Variants in ARHGAP15 observed in about 807,000 individuals in gnomAD.
ARHGAP15 encodes the protein Rho GTPase activating protein 15.
A neutral mutation model predicts 63.7 loss-of-function variants in ARHGAP15; 51 were observed. That is an observed-to-expected ratio of 0.80 (90% CI 0.64 to 1.01). The LOEUF (loss-of-function observed/expected upper bound fraction) is 1.01, where lower values mean the gene tolerates loss of function less well. ARHGAP15 is among the 50% of genes least tolerant of loss of function. The pLI is 0.00. For synonymous variants in ARHGAP15, 191 were observed against 193.8 expected (o/e 0.99, Z 0.12); for missense variants, 560 against 564.6 (o/e 0.99, Z 0.08).
intron 6 of ARHGAP15, among the ~76,000 whole-genome samples, chr2:143,311,732 A>C (rs1219478061): frequency 6.6e-6 from 1 of 152,142 alleles, no homozygotes; most frequent in Non-Finnish European, 1.5e-5. Context: ...CTCTTAGCAT[A>C]TGTCTAAGCT....
intron 6 of ARHGAP15, among the ~76,000 whole-genome samples, chr2:143,364,601 C>A (rs879558715): frequency 1.3e-5 from 2 of 152,110 alleles, no homozygotes; most frequent in Admixed American, 1.3e-4. Context: ...AATGAAGAAT[C>A]AGTAGGGTTC....
intron 6 of ARHGAP15, among the ~76,000 whole-genome samples, chr2:143,310,604 G>A (rs1376135075): frequency 6.6e-6 from 1 of 151,908 alleles, no homozygotes; most frequent in Non-Finnish European, 1.5e-5. Context: ...TTTTGCAAAA[G>A]CTATGCATCT....
intron 13 of ARHGAP15, among the ~76,000 whole-genome samples, chr2:143,757,028 C>T (rs1466096246): frequency 6.6e-6 from 1 of 152,130 alleles, no homozygotes; most frequent in Non-Finnish European, 1.5e-5. Flanking sequence ...TTAATCTAGG[C>T]TCTGCCACTT....
Position 143,587,865 on chromosome 2 carries a change from T to A in ARHGAP15, c.1003+31380T>A, listed in dbSNP as rs550372015. 64 of 377,118 alleles carry A rather than the reference T, an allele frequency of 1.7e-4. 1 individual carries two copies. Among genetic ancestry groups the A allele is most frequent in the South Asian group, 6.7e-4 (30 of 44,744 alleles). 23.4% of individuals were successfully genotyped at this position (377,118 alleles called of 1,614,324 possible). ...TTGAGATACAATCCCTAGTATTGAG[T>A]GATAGAAGAGCAGAAAAGAAGTCTA... On this transcript the variant is annotated intron_variant, in intron 11 of 13. Coordinates refer to ENST00000295095, the MANE Select transcript of ARHGAP15 (RefSeq NM_018460.4).
At chr2:143,476,403 A>G (rs1691817328) in intron 8 of ARHGAP15, among the ~76,000 whole-genome samples, 1 of 152,182 alleles carries the variant, frequency 6.6e-6, no homozygotes, top group Admixed American at 6.5e-5. Flanking sequence ...CACAATGCAA[A>G]TTCAAATTAA....
chr2:143,193,562 A>T (rs1024357318), intron 2 of ARHGAP15: 4 of 152,664 alleles, frequency 2.6e-5, no homozygotes, highest in Admixed American at 6.5e-5. Context: ...GGATACAATT[A>T]TTCTCTATTG....
intron 9 of ARHGAP15, among the ~76,000 whole-genome samples, chr2:143,502,073 A>C (rs1473931708): frequency 6.6e-6 from 1 of 152,172 alleles, no homozygotes; most frequent in African/African-American, 2.4e-5. Flanking sequence ...GTTTGGGGAC[A>C]CAAGACATGG....
At chr2:143,322,117 C>T (rs1239256416) in intron 6 of ARHGAP15, among the ~76,000 whole-genome samples, 1 of 152,068 alleles carries the variant, frequency 6.6e-6, no homozygotes, top group African/African-American at 2.4e-5. Flanking sequence ...TTTATTTCTA[C>T]TGTTTTTGGA....
chr2:143,656,550 A>G (rs1255923056), intron 12 of ARHGAP15, among the ~76,000 whole-genome samples: 1 of 152,212 alleles, frequency 6.6e-6, no homozygotes, highest in Non-Finnish European at 1.5e-5. Context: ...AGATGAAAAG[A>G]CTGTCTGGGT....
At chr2:143,534,160 T>C (rs942605304) in intron 10 of ARHGAP15, among the ~76,000 whole-genome samples, 11 of 152,184 alleles carry the variant, frequency 7.2e-5, no homozygotes, top group African/African-American at 2.7e-4. Flanking sequence ...GTTCTCATAA[T>C]AGTGAGTGAG....
At chr2:143,391,020 G>A (rs1687516442) in intron 6 of ARHGAP15, among the ~76,000 whole-genome samples, 1 of 152,166 alleles carries the variant, frequency 6.6e-6, no homozygotes, top group African/African-American at 2.4e-5. Flanking sequence ...GGGGTCTCCT[G>A]TGGAGAGTTA....
intron 11 of ARHGAP15, among the ~76,000 whole-genome samples, chr2:143,587,364 G>T (rs11684325): frequency 0.28 from 42,406 of 151,284 alleles, 6,584 homozygotes; most frequent in African/African-American, 0.42. Flanking sequence ...TTTTACTAAA[G>T]ATTGAAGGGT....
chr2:143,630,840 T>C lies in ARHGAP15; in HGVS notation c.1138+6573T>C, dbSNP rs548910901. 5.9e-5 allele frequency among the ~76,000 whole-genome samples: 9 copies of C among 152,210 alleles called. 1 individual carries two copies. In the South Asian group the frequency reaches 1.9e-3, roughly 32 times the overall value. On this transcript the variant is annotated intron_variant, in intron 12 of 13. Transcript: ENST00000295095. ...TTTTTCTAGTTCTACTGAGGTATAA[T>C]TGGCATACAATGAACTGCATGTTTT...
At chr2:143,380,011 T>C (rs919714836) in intron 6 of ARHGAP15, among the ~76,000 whole-genome samples, 12 of 152,014 alleles carry the variant, frequency 7.9e-5, no homozygotes, top group African/African-American at 2.7e-4. Flanking sequence ...GTAGGTACTT[T>C]CCAAAGAAAA....
chr2:143,214,338 A>G (rs1465349903), intron 3 of ARHGAP15, among the ~76,000 whole-genome samples: 1 of 152,206 alleles, frequency 6.6e-6, no homozygotes, highest in Non-Finnish European at 1.5e-5. Flanking sequence ...ACATTCCTAA[A>G]GAAAGGAACC....
chr2:143,639,752 A>G (rs1406507654), intron 12 of ARHGAP15, among the ~76,000 whole-genome samples: 1 of 152,114 alleles, frequency 6.6e-6, no homozygotes, highest in Non-Finnish European at 1.5e-5. Flanking sequence ...ATGTGCCAGA[A>G]AAGTATTTTC....
At chr2:143,767,171 C>T (rs1036336816) in intron 13 of ARHGAP15, among the ~76,000 whole-genome samples, 2 of 152,128 alleles carry the variant, frequency 1.3e-5, no homozygotes, top group Admixed American at 1.3e-4. Context: ...AATATAAAAT[C>T]AAGTAGGCTT....
chr2:143,519,271 ATT>A lies in ARHGAP15; in HGVS notation c.836_837del (p.Phe279TrpfsTer9). ...CATCTTTGTTTCTTTTGCAGATCAA[ATT>A]TTTGGCTCTCATCTGCACAAAGTGT... ...LQEKGLIKDQ[I>X]FGSHLHKVCE... On this transcript the variant is annotated frameshift_variant, in exon 10 of 14. Transcript: ENST00000295095. LOFTEE classifies it high-confidence loss of function. 2 of 1,612,312 alleles carry A rather than the reference ATT, an allele frequency of 1.2e-6. No homozygotes were observed. Among genetic ancestry groups the A allele is most frequent in the South Asian group, 2.2e-5 (2 of 90,974 alleles).
At chr2:143,692,128 A>T (rs1049768920) in intron 12 of ARHGAP15, among the ~76,000 whole-genome samples, 3 of 152,208 alleles carry the variant, frequency 2.0e-5, no homozygotes, top group African/African-American at 7.2e-5. Flanking sequence ...GTAAGAATTG[A>T]AGTAGTAAGA....
Sources: gnomAD v4.1 joint callset for allele counts (sites outside exome capture counted in the v4.1 genomes callset) on GRCh38, gnomAD v4.1.1 for gene constraint, MANE v1.5 for transcripts, NCBI Gene and HGNC (gene_info 2026-07-23, HGNC 2026-07-21) for gene names.